Variants in KDM5C observed in about 807,000 individuals in gnomAD.
KDM5C encodes lysine-specific demethylase 5C.
A neutral mutation model predicts 110.6 loss-of-function variants in KDM5C; 16 were observed. That is an observed-to-expected ratio of 0.14 (90% confidence interval 0.10 to 0.22). KDM5C has a LOEUF of 0.22. Among genes scored for constraint, KDM5C ranks in the 10% least tolerant of loss-of-function variants. KDM5C has a pLI of 1.00. For missense variants in KDM5C, 681 were observed against 1,300.9 expected (o/e 0.52, Z 7.33); for synonymous variants, 511 against 520.4 (o/e 0.98, Z 0.24).
intron 2 of KDM5C, 39 bp from the exon 3 acceptor site, chrX:53,218,437 C>G: frequency 8.3e-7 from 1 of 1,203,634 alleles, no homozygotes; most frequent in Non-Finnish European, 1.1e-6. Flanking sequence ...GCCACCCCCT[C>G]CCACTGACCA....
In KDM5C at chrX:53,199,161, A is replaced by T; in HGVS notation, c.2062-3T>A. ...TCTCGCTCAGCCTCTGTGATACCCT[A>T]AGGGCATTTAACCTATGCGTTATAT... is the stretch of plus-strand genomic sequence containing the variant. On this transcript the variant is annotated splice_polypyrimidine_tract_variant and splice_region_variant and intron_variant, in intron 14 of 25. Coordinates refer to ENST00000375401, the MANE Select transcript of KDM5C (RefSeq NM_004187.5). 1 of 1,210,401 alleles carries T rather than the reference A, an allele frequency of 8.3e-7. No homozygotes were observed. The highest frequency in any genetic ancestry group is 1.1e-6 in the Non-Finnish European group (1 of 894,447).
chrX:53,192,861 A>ACCCCGCCCC lies in KDM5C; in HGVS notation c.*105_*106insGGGGCGGGG. On this transcript the variant is annotated 3_prime_UTR_variant, in exon 26 of 26. Coordinates refer to ENST00000375401, the MANE Select transcript of KDM5C (RefSeq NM_004187.5). Reference sequence around the variant, plus strand: ...GGGTGGGCGGGTAGCAGGGATGGCCACCCCCCTACCCGCCCACCCCCCAAG... The same window carrying ACCCCGCCCC: ...GGGTGGGCGGGTAGCAGGGATGGCCACCCCGCCCCCCCCCCTACCCGCCCACCCCCCAAG... 2.0e-6 allele frequency: 1 copy of ACCCCGCCCC among 502,015 alleles called. No individual in the cohort carries two copies. The highest frequency in any genetic ancestry group is 2.9e-6 in the Non-Finnish European group (1 of 347,657). The allele number at this position is 502,015 out of a possible 1,213,427, so 41.4% of individuals were successfully genotyped here.
downstream of KDM5C, among the ~76,000 whole-genome samples, chrX:53,189,346 A>G (rs1556829253): frequency 8.9e-6 from 1 of 112,160 alleles, no homozygotes; most frequent in African/African-American, 3.2e-5. Flanking sequence ...TGAAAATCCC[A>G]GCTCTGCCAG....
rs1556833671 is a variant in KDM5C at position 53,194,124 on chromosome X, G to A, written c.4038+15C>T. 1.7e-6 allele frequency: 2 copies of A among 1,188,238 alleles called. No individual in the cohort carries two copies. Among genetic ancestry groups the A allele is most frequent in the Admixed American group, 4.7e-5 (2 of 42,229 alleles). On this transcript the variant is annotated intron_variant, in intron 23 of 25. Coordinates refer to ENST00000375401, the MANE Select transcript of KDM5C (RefSeq NM_004187.5). ...GACAAGAATCTGAGGACAAGAGCTG[G>A]GCTGAGTAGCTCACCTTAGGCATAT...
chrX:53,218,290 A>G lies in KDM5C; in HGVS notation c.337T>C (p.Tyr113His). ...PNVERRILDL[Y>H]SLSKIVVEEG... ...CCTGTTCTTACTTTGCTGAGACTGT[A>G]GAGGTCCAAGATCCGCCGTTCTACA... Residue 113 changes from tyrosine to histidine, a missense_variant, in exon 3 of 26, where the codon TAC becomes CAC. By Grantham distance (83) the Tyr-to-His change is moderately conservative. Coordinates refer to ENST00000375401, the MANE Select transcript of KDM5C (RefSeq NM_004187.5). 8.3e-7 allele frequency: 1 copy of G among 1,211,267 alleles called. No individual in the cohort carries two copies. Among genetic ancestry groups the G allele is most frequent in the Non-Finnish European group, 1.1e-6 (1 of 895,096 alleles).
downstream of KDM5C, among the ~76,000 whole-genome samples, chrX:53,190,566 C>G (rs1172519995): frequency 1.8e-5 from 2 of 111,820 alleles, no homozygotes; most frequent in Non-Finnish European, 3.8e-5. Flanking sequence ...CCTGTCAGCT[C>G]CTCCAACCCC....
rs1556834744 is a variant in KDM5C at position 53,194,659 on chromosome X, C to T, written c.3518G>A (p.Ser1173Asn). 3 of 1,211,992 alleles carry T rather than the reference C, an allele frequency of 2.5e-6. No homozygotes were observed. In the Admixed American group the frequency reaches 6.5e-5, roughly 26 times the overall value. The change falls in exon 23 of 26, where the codon AGT becomes AAT. Residue 1173 changes from serine to asparagine, a missense_variant. Physicochemically the swap from Ser to Asn is conservative, Grantham distance 46. Around this residue, in one of 14 missense-constraint regions of KDM5C, gnomAD observed 48 missense variants for 59.7 expected, o/e 0.80. Coordinates refer to ENST00000375401, the MANE Select transcript of KDM5C (RefSeq NM_004187.5). ...GGCCGTGCTCGATGATGCCAGTGGA[C>T]TGGGCTTGGCCGAATTGGTGCGACG... is the stretch of plus-strand genomic sequence containing the variant. ...QLRRTNSAKP[S>N]PLASSSTASS...
At chrX:53,204,462 C>G (rs901204188) in intron 12 of KDM5C, among the ~76,000 whole-genome samples, 2 of 110,830 alleles carry the variant, frequency 1.8e-5, no homozygotes, top group Admixed American at 1.9e-4. Flanking sequence ...ACTAGAGTGA[C>G]TAGACATTTC....
At chrX:53,204,453 C>G (rs1367137685) in intron 12 of KDM5C, among the ~76,000 whole-genome samples, 1 of 110,807 alleles carries the variant, frequency 9.0e-6, no homozygotes, top group East Asian at 2.8e-4. Context: ...CAGTCTTTTA[C>G]TAGAGTGACT....
chrX:53,197,092 A>G, intron 18 of KDM5C, 48 bp from the exon 19 acceptor site: 1 of 992,404 alleles, frequency 1.0e-6, no homozygotes, highest in Non-Finnish European at 1.4e-6. Context: ...GGGCCCACTG[A>G]GGGGTTCCAC....
intron 7 of KDM5C, 198 bp from the exon 8 acceptor site, chrX:53,215,045 T>C: frequency 2.0e-6 from 1 of 503,605 alleles, no homozygotes; most frequent in Non-Finnish European, 3.5e-6. Context: ...TTTTTATTCA[T>C]CCAATAAACA....
intron 12 of KDM5C, among the ~76,000 whole-genome samples, chrX:53,207,558 CAGAT>C (rs782245522): frequency 2.7e-5 from 3 of 112,114 alleles, no homozygotes; most frequent in African/African-American, 9.7e-5. Flanking sequence ...AAAAATATAA[CAGAT>C]GGAAACATAA....
intron 12 of KDM5C, among the ~76,000 whole-genome samples, chrX:53,205,861 T>C (rs1556844925): frequency 8.9e-6 from 1 of 111,750 alleles, no homozygotes; most frequent in Non-Finnish European, 1.9e-5. Context: ...GTTTTATTTA[T>C]TATTAATTAA....
chrX:53,180,159 A>T (rs1185265605), intron 25 of KDM5C, among the ~76,000 whole-genome samples: 1 of 111,434 alleles, frequency 9.0e-6, no homozygotes, highest in East Asian at 2.8e-4. Flanking sequence ...CATATTAATA[A>T]GTGAAAGAAG....
rs1307323422 is a variant in KDM5C at position 53,192,796 on chromosome X, C to T, written c.*171G>A. The T allele has an allele frequency of 1.9e-6, 2 of 1,026,605 alleles. No homozygotes were observed. The highest frequency in any genetic ancestry group is 2.6e-6 in the Non-Finnish European group (2 of 778,348). The allele number at this position is 1,026,605 out of a possible 1,213,427, so 84.6% of individuals were successfully genotyped here. A position where few individuals can be genotyped will look rare whatever the true frequency, so the allele number is the denominator to read the frequency against. ...CGGCCCCCAGGAGCTGAGGTCTGAA[C>T]AATACCTTGGAGTCAGAATACAAAA... On this transcript the variant is annotated 3_prime_UTR_variant, in exon 26 of 26. Coordinates refer to ENST00000375401, the MANE Select transcript of KDM5C (RefSeq NM_004187.5).
At chrX:53,180,599 G>A (rs781987147) in intron 25 of KDM5C, among the ~76,000 whole-genome samples, 2 of 109,782 alleles carry the variant, frequency 1.8e-5, no homozygotes, top group South Asian at 7.9e-4. Flanking sequence ...GTCTCATTCT[G>A]TCACCCAGGC....
rs1556833042 is a variant in KDM5C, at chrX:53,193,620, G to A, written c.4134C>T (p.Ser1378=). 8 of 1,211,920 alleles carry A rather than the reference G, an allele frequency of 6.6e-6. No homozygotes were observed. In the South Asian group the frequency reaches 1.2e-4, roughly 19 times the overall value. ...GSGKRDLELL[S]SLLPQLTGPV... Reference sequence around the variant, plus strand: ...GGCCAGTCAACTGTGGCAACAGCGAGGACAGCAGCTCCAGATCTAGGAGGT... The same window carrying A: ...GGCCAGTCAACTGTGGCAACAGCGAAGACAGCAGCTCCAGATCTAGGAGGT... Residue 1378 remains serine, a synonymous_variant, in exon 25 of 26, where the codon TCC becomes TCT. Transcript: ENST00000375401.
Position 53,197,876 on chromosome X carries a change from G to A in KDM5C, c.2517C>T (p.Gly839=), listed in dbSNP as rs782240817. The change falls in exon 18 of 26, where the codon GGC becomes GGT. Residue 839 remains glycine (G), a splice_region_variant and synonymous_variant. Transcript: ENST00000375401. ...TCTGTAGACCAGCCACCCTGTGGGGGCTATGAAGTATCACATGTGAGGTTT... is the reference window on the plus strand; with the variant it reads ...TCTGTAGACCAGCCACCCTGTGGGGACTATGAAGTATCACATGTGAGGTTT... The part of the protein sequence containing the change: ...ALGLVSGQEA[G]PHRVAGLQMT... 8.5e-7 allele frequency: 1 copy of A among 1,173,982 alleles called. No individual in the cohort carries two copies. The highest frequency in any genetic ancestry group is 1.1e-6 in the Non-Finnish European group (1 of 871,259).
intron 8 of KDM5C, chrX:53,212,517 G>A: frequency 8.6e-6 from 1 of 116,809 alleles, no homozygotes; most frequent in Non-Finnish European, 1.8e-5. Flanking sequence ...TGTTGGCCAG[G>A]CTGGTCTCAA....
Sources: allele counts gnomAD v4.1 joint callset (sites outside exome capture counted in the v4.1 genomes callset), GRCh38; gene constraint gnomAD v4.1.1; regional missense constraint gnomAD v4.1.1; transcripts MANE v1.5; gene names NCBI Gene and HGNC (gene_info 2026-07-23, HGNC 2026-07-21).